The following C2CD3 variants were observed in gnomAD, a reference collection of about 807,000 sequenced individuals.
The protein encoded by C2CD3 is C2 domain containing 3 centriole elongation regulator, also known as C2 domain-containing protein 3.
Under a neutral mutation model 234.0 loss-of-function variants are expected in C2CD3, and 148 were observed. The observed-to-expected ratio is 0.63, with a 90% CI of 0.55 to 0.72. C2CD3 has a LOEUF of 0.72. Ranked by LOEUF, C2CD3 falls within the 30% of genes least tolerant of loss-of-function variation. The pLI is 0.00. For synonymous variants in C2CD3, 1,000 were observed against 1,035.4 expected, an observed-to-expected ratio of 0.97 and a Z score of 0.66; for missense variants, 2,577 against 2,811.5, an observed-to-expected ratio of 0.92 and a Z score of 1.89.
At chr11:74,102,962 A>G (rs1468323840) in intron 14 of C2CD3, among the ~76,000 whole-genome samples, 169 bp downstream of exon 14, 1 of 152,200 alleles carries the variant, frequency 6.6e-6, no homozygotes. Context: ...AAATGTTGAC[A>G]ATGCCTTTCC....
chr11:74,062,613 A>G (rs940031421), intron 24 of C2CD3, among the ~76,000 whole-genome samples: 4 of 152,168 alleles, frequency 2.6e-5, no homozygotes, highest in Non-Finnish European at 5.9e-5. Context: ...TCTCTGGGAC[A>G]CATTTAAAGC....
chr11:74,112,921 G>C (rs967939388), intron 11 of C2CD3, among the ~76,000 whole-genome samples: 3 of 152,146 alleles, frequency 2.0e-5, no homozygotes, highest in Admixed American at 6.5e-5. Context: ...GTTACCATAT[G>C]ACCCAGCAAT....
chr11:74,158,310 A>G (rs1367869037), intron 3 of C2CD3, among the ~76,000 whole-genome samples: 1 of 152,278 alleles, frequency 6.6e-6, no homozygotes, highest in South Asian at 2.1e-4. Context: ...TCCAGAATAT[A>G]TAAGAAACTC....
intron 9 of C2CD3, among the ~76,000 whole-genome samples, chr11:74,118,007 T>A (rs1957087333): frequency 6.6e-6 from 1 of 151,916 alleles, no homozygotes; most frequent in Admixed American, 6.6e-5. Flanking sequence ...ACTAAAGAAC[T>A]TATTCAGGTA....
At chr11:74,123,959 C>G (rs185055946) in intron 7 of C2CD3, among the ~76,000 whole-genome samples, 2 of 152,198 alleles carry the variant, frequency 1.3e-5, no homozygotes, top group Admixed American at 1.3e-4. Context: ...TGGTCTCTAA[C>G]TCCTTAGGTG....
intron 7 of C2CD3, chr11:74,128,395 C>T (rs1957487534): frequency 6.6e-6 from 1 of 152,046 alleles, no homozygotes; most frequent in African/African-American, 2.4e-5. Flanking sequence ...TGATGGAATC[C>T]AATTTATGTA....
chr11:74,031,432 C>T (rs1165987750), intron 31 of C2CD3, among the ~76,000 whole-genome samples: 1 of 152,202 alleles, frequency 6.6e-6, no homozygotes, highest in Non-Finnish European at 1.5e-5. Context: ...ACAGTTTGTC[C>T]TGACTAGAAC....
In C2CD3 at chr11:74,106,327, T is replaced by C. The variant is rs777666357; in HGVS notation, c.2085+44A>G. On this transcript the variant is annotated intron_variant, in intron 13 of 32. Transcript: ENST00000334126. ...ATCCTCAGTGCCAGCCAATAATGCATACTCAGCAAATACTTCTGACTTCCT... is the reference window on the plus strand; with the variant it reads ...ATCCTCAGTGCCAGCCAATAATGCACACTCAGCAAATACTTCTGACTTCCT... 4.2e-5 allele frequency: 67 copies of C among 1,603,368 alleles called. 1 individual carries two copies. Among genetic ancestry groups the C allele is most frequent in the South Asian group, 8.9e-5 (8 of 90,160 alleles).
intron 3 of C2CD3, among the ~76,000 whole-genome samples, chr11:74,149,152 G>A (rs915607549): frequency 1.3e-5 from 2 of 152,088 alleles, no homozygotes; most frequent in African/African-American, 2.4e-5. Flanking sequence ...TAATACAGGA[G>A]ATAAGAATTT....
chr11:74,170,624 C>T (rs2135581413), intron 1 of C2CD3, 114 bp downstream of exon 1: 4 of 1,201,418 alleles, frequency 3.3e-6, no homozygotes, highest in South Asian at 2.5e-5. Context: ...TCCCTGGCTA[C>T]TTCCTTCTTA....
intron 9 of C2CD3, among the ~76,000 whole-genome samples, chr11:74,117,060 GAATATATATA>G (rs1957004852): frequency 3.0e-4 from 8 of 27,116 alleles, no homozygotes; most frequent in Non-Finnish European, 5.3e-4. Context: ...ATATATATAT[GAATATATATA>G]TATGAATATA....
At chr11:74,159,531 A>G (rs1245205684) in intron 3 of C2CD3, among the ~76,000 whole-genome samples, 1 of 152,202 alleles carries the variant, frequency 6.6e-6, no homozygotes, top group African/African-American at 2.4e-5. Flanking sequence ...AGTTTTTAAC[A>G]AAAATGTTTA....
intron 32 of C2CD3, among the ~76,000 whole-genome samples, chr11:74,026,256 G>T (rs1952294294): frequency 6.6e-6 from 1 of 151,834 alleles, no homozygotes; most frequent in Non-Finnish European, 1.5e-5. Context: ...GCAGGGAGCT[G>T]TGATCACGCC....
At chr11:74,134,937 C>T (rs1257199514) in intron 5 of C2CD3, among the ~76,000 whole-genome samples, 1 of 152,112 alleles carries the variant, frequency 6.6e-6, no homozygotes, top group Non-Finnish European at 1.5e-5. Flanking sequence ...GTTGCCCAGG[C>T]TGGTCTTGAA....
Position 74,092,589 on chromosome 11 carries a change from C to A in C2CD3, c.3345-1G>T. The A allele has an allele frequency of 1.2e-6, 2 of 1,608,346 alleles. No homozygotes were observed. Among genetic ancestry groups the A allele is most frequent in the Non-Finnish European group, 1.7e-6 (2 of 1,176,816 alleles). ...GTCTCTCACATTAGGATAATAGTAT[C>A]TGTAAACCACAAAAGCACACGTTGT... On this transcript the variant is annotated splice_acceptor_variant, in intron 18 of 32. Transcript: ENST00000334126. LOFTEE classifies it high-confidence loss of function.
intron 32 of C2CD3, among the ~76,000 whole-genome samples, chr11:74,023,269 C>T (rs763610885): frequency 6.6e-6 from 1 of 152,220 alleles, no homozygotes; most frequent in African/African-American, 2.4e-5. Flanking sequence ...TTAGCCCTGA[C>T]CCGGAAGCAG....
intron 22 of C2CD3, among the ~76,000 whole-genome samples, chr11:74,081,519 C>T (rs1025458211): frequency 1.3e-5 from 2 of 152,082 alleles, no homozygotes; most frequent in Non-Finnish European, 2.9e-5. Flanking sequence ...ATATCCTTAC[C>T]TGTCAGGGTT....
Position 74,090,848 on chromosome 11 carries a change from C to T in C2CD3, c.3606G>A (p.Gln1202=), listed in dbSNP as rs755498707. ...CTTGCAGACCACAGGCTCTGATAAT[C>T]TGGACTGAGATGGAAACAGTTCGGG... ...LAARTVSISV[Q]IIRACGLQAA... is the part of the protein sequence containing the mutation. The change falls in exon 20 of 33, where the codon CAG becomes CAA. Residue 1202 remains glutamine (Q), a synonymous_variant. Coordinates refer to ENST00000334126, the MANE Select transcript of C2CD3 (RefSeq NM_001286577.2). 4 of 1,614,004 alleles carry T rather than the reference C, an allele frequency of 2.5e-6. No homozygotes were observed. Among genetic ancestry groups the T allele is most frequent in the Admixed American group, 1.7e-5 (1 of 60,006 alleles).
intron 5 of C2CD3, among the ~76,000 whole-genome samples, chr11:74,136,168 C>T (rs879776502): frequency 3.3e-5 from 5 of 151,902 alleles, no homozygotes; most frequent in African/African-American, 9.7e-5. Flanking sequence ...ATAATTTAAC[C>T]CCATCTGTAA....
Sources: gnomAD v4.1 joint callset for allele counts (sites outside exome capture counted in the v4.1 genomes callset) on GRCh38, gnomAD v4.1.1 for gene constraint, MANE v1.5 for transcripts, NCBI Gene and HGNC (gene_info 2026-07-23, HGNC 2026-07-21) for gene names.